TNRC6A: variants seen among roughly 807,000 people sequenced by gnomAD.
TNRC6A encodes trinucleotide repeat-containing gene 6A protein.
A neutral mutation model predicts 221.2 loss-of-function variants in TNRC6A; 44 were observed. The ratio of observed to expected loss-of-function variants is 0.20; its 90% CI spans 0.16 to 0.26. TNRC6A has a LOEUF of 0.26. Ranked by LOEUF, TNRC6A falls within the 10% of genes least tolerant of loss-of-function variation. The pLI, the probability that TNRC6A is intolerant of heterozygous loss-of-function variation, is 1.00. For missense variants in TNRC6A, 2,199 were observed against 2,404.4 expected, an observed-to-expected ratio of 0.91 and a Z score of 1.79; for synonymous variants, 847 against 838.5, an observed-to-expected ratio of 1.01 and a Z score of -0.18.
At chr16:24,714,575 G>A (rs2056276884) in intron 2 of TNRC6A, among the ~76,000 whole-genome samples, 1 of 151,990 alleles carries the variant, frequency 6.6e-6, no homozygotes, top group African/African-American at 2.4e-5. Flanking sequence ...AAAGTGCTGG[G>A]ATTACAGGCA....
intron 1 of TNRC6A, among the ~76,000 whole-genome samples, chr16:24,621,083 C>CAAAAAAAA (rs56266931): frequency 2.3e-5 from 1 of 42,710 alleles, no homozygotes; most frequent in Non-Finnish European, 4.3e-5. Flanking sequence ...GACGCCGTCT[C>CAAAAAAAA]AAAAAAAAAA....
Position 24,655,763 on chromosome 16 carries a change from C to T in TNRC6A, n.402+14754C>T, listed in dbSNP as rs146398451. On this transcript the variant is annotated intron_variant and non_coding_transcript_variant, in intron 2 of 2. Transcript: ENST00000566108. The stretch of plus-strand genomic sequence containing the variant: ...TAAAATTGAGCTAAAGATTAACAAA[C>T]TATTCTCAGTCTGAACGAACAAAAT... Among the ~76,000 whole-genome samples the T allele has an allele frequency of 6.0e-3, 911 of 151,880 alleles. 11 individuals are homozygous for T. Among genetic ancestry groups the T allele is most frequent in the Non-Finnish European group, 7.2e-3 (491 of 67,968 alleles).
In TNRC6A at chr16:24,816,903, A is replaced by G. The variant is rs151084118; in HGVS notation, c.4919A>G (p.Asn1640Ser). 1,758 of 1,614,122 alleles carry G rather than the reference A, an allele frequency of 1.1e-3. 21 individuals are homozygous for G. The South Asian group carries it at 0.013, about 12-fold the overall frequency. Residue 1640 changes from asparagine to serine, a missense_variant, in exon 20 of 25, where the codon AAT becomes AGT. Asn to Ser is a conservative substitution (Grantham distance 46). Around this residue, in one of 8 missense-constraint regions of TNRC6A, gnomAD observed 449 missense variants for 579.7 expected, o/e 0.77. Coordinates refer to ENST00000395799, the MANE Select transcript of TNRC6A (RefSeq NM_014494.4). ...GTCACTCCTGGCAGTGTCATAAACA[A>G]TCTTTCAATTAATACTGTGCGGGAA... ...PYVTPGSVINNLSINTVREVD... is the reference protein window; with the variant it reads ...PYVTPGSVINSLSINTVREVD...
intron 2 of TNRC6A, among the ~76,000 whole-genome samples, chr16:24,707,980 G>A (rs775403788): frequency 3.9e-5 from 6 of 152,014 alleles, no homozygotes; most frequent in Non-Finnish European, 7.4e-5. Context: ...GACTGCTTGA[G>A]TCTGGGAGGT....
At chr16:24,666,639 GAAAA>G (rs1164353374) in intron 2 of TNRC6A, among the ~76,000 whole-genome samples, 739 of 31,000 alleles carry the variant, frequency 0.024, 1 homozygote, top group African/African-American at 0.058. Flanking sequence ...CTGTCTTAGA[GAAAA>G]AAAAAAAAAA....
intron 2 of TNRC6A, among the ~76,000 whole-genome samples, chr16:24,709,162 CAGG>C (rs1488610925): frequency 2.0e-5 from 3 of 151,752 alleles, no homozygotes; most frequent in Non-Finnish European, 4.4e-5. Flanking sequence ...GAGGCTGAGG[CAGG>C]AGAATTGCTT....
rs143712466 is a variant in TNRC6A at position 24,618,168 on chromosome 16, G to A, written n.276+7684G>A. ...ACTCTCAGCCTCAAGTGATCTGCCC[G>A]CATCAGCTTCCTAAAGTGCTGGGGT... On this transcript the variant is annotated intron_variant and non_coding_transcript_variant, in intron 1 of 2. Transcript: ENST00000566108. 3.0e-4 allele frequency among the ~76,000 whole-genome samples: 46 copies of A among 152,094 alleles called. 2 individuals carry two copies. In the East Asian group the frequency reaches 8.7e-3, roughly 29 times the overall value.
chr16:24,735,727 CAT>C (rs1439275625), intron 2 of TNRC6A, among the ~76,000 whole-genome samples: 1 of 152,154 alleles, frequency 6.6e-6, no homozygotes, highest in African/African-American at 2.4e-5. Flanking sequence ...AATTGCAAAA[CAT>C]ATTTACAATT....
At chr16:24,783,214 C>A (rs112230830) in intron 5 of TNRC6A, among the ~76,000 whole-genome samples, 2 of 151,914 alleles carry the variant, frequency 1.3e-5, no homozygotes, top group Non-Finnish European at 2.9e-5. Context: ...CTGCAACCTC[C>A]GCCTCCTGGG....
chr16:24,714,336 T>C (rs1210892212), intron 2 of TNRC6A, among the ~76,000 whole-genome samples: 1 of 124,436 alleles, frequency 8.0e-6, no homozygotes, highest in Non-Finnish European at 1.6e-5. Context: ...TGAGATGGAG[T>C]CTCACTCTGT....
intron 1 of TNRC6A, among the ~76,000 whole-genome samples, chr16:24,631,673 G>A (rs1227182782): frequency 3.3e-5 from 5 of 151,870 alleles, no homozygotes; most frequent in African/African-American, 4.8e-5. Context: ...TTGGGAGGCT[G>A]AGGCATAAGA....
At chr16:24,648,513 A>T (rs559227257) in intron 2 of TNRC6A, among the ~76,000 whole-genome samples, 1 of 151,488 alleles carries the variant, frequency 6.6e-6, no homozygotes, top group Non-Finnish European at 1.5e-5. Context: ...CTCATGATTC[A>T]CCCGCCTTGG....
chr16:24,723,219 G>A (rs1455368975), intron 2 of TNRC6A, among the ~76,000 whole-genome samples: 1 of 152,078 alleles, frequency 6.6e-6, no homozygotes, highest in Non-Finnish European at 1.5e-5. Flanking sequence ...TTCTCAATAA[G>A]TAACACTTCA....
intron 4 of TNRC6A, among the ~76,000 whole-genome samples, chr16:24,772,401 A>G (rs2057630541): frequency 1.3e-5 from 2 of 151,870 alleles, no homozygotes; most frequent in Non-Finnish European, 2.9e-5. Context: ...TGTTGTTGCA[A>G]GACTTCGGGA....
chr16:24,635,506 C>G (rs536950699), intron 1 of TNRC6A, among the ~76,000 whole-genome samples: 1 of 152,274 alleles, frequency 6.6e-6, no homozygotes, highest in South Asian at 2.1e-4. Flanking sequence ...TGGTCTCAAA[C>G]TCCTGACCTC....
chr16:24,674,144 C>T (rs562715860), intron 2 of TNRC6A, among the ~76,000 whole-genome samples: 2 of 152,178 alleles, frequency 1.3e-5, no homozygotes, highest in South Asian at 2.1e-4. Context: ...GATCATAGCT[C>T]ACTGTAGCCT....
intron 3 of TNRC6A, among the ~76,000 whole-genome samples, chr16:24,752,340 A>G (rs1024170463): frequency 6.6e-5 from 10 of 152,212 alleles, no homozygotes; most frequent in Admixed American, 3.9e-4. Flanking sequence ...GAAATGATAA[A>G]TAATTCAGTT....
intron 2 of TNRC6A, among the ~76,000 whole-genome samples, chr16:24,644,786 C>T (rs771029682): frequency 1.2e-4 from 18 of 152,152 alleles, no homozygotes; most frequent in Non-Finnish European, 2.6e-4. Context: ...ACACAAACCA[C>T]ACACGTAATT....
At chr16:24,739,675 C>T (rs2056851090) in intron 2 of TNRC6A, among the ~76,000 whole-genome samples, 1 of 151,924 alleles carries the variant, frequency 6.6e-6, no homozygotes, top group African/African-American at 2.4e-5. Context: ...GACAGAATTT[C>T]ACCATGTTGG....
Sources: gnomAD v4.1 joint callset for allele counts (sites outside exome capture counted in the v4.1 genomes callset) on GRCh38, gnomAD v4.1.1 for gene constraint, gnomAD v4.1.1 regional missense constraint, MANE v1.5 for transcripts, NCBI Gene and HGNC (gene_info 2026-07-23, HGNC 2026-07-21) for gene names.